Variants in DNAH14 observed in about 807,000 individuals in gnomAD.
DNAH14 encodes the protein dynein axonemal heavy chain 14, also known as axonemal beta dynein heavy chain 14.
Under a neutral mutation model 520.9 loss-of-function variants are expected in DNAH14, and 478 were observed. The ratio of observed to expected loss-of-function variants is 0.92; its 90% CI spans 0.85 to 0.99. The LOEUF (loss-of-function observed/expected upper bound fraction) is 0.99. Ranked by LOEUF, DNAH14 falls within the 50% of genes least tolerant of loss-of-function variation. The pLI is 0.00. For synonymous variants in DNAH14, 1,581 were observed against 1,757.2 expected (o/e 0.90, Z 2.51); for missense variants, 4,831 against 5,234.5 (o/e 0.92, Z 2.38).
intron 8 of DNAH14, among the ~76,000 whole-genome samples, chr1:224,975,177 C>G (rs1432961867): frequency 4.6e-5 from 7 of 151,544 alleles, no homozygotes; most frequent in Non-Finnish European, 8.8e-5. Context: ...GGATATTGGT[C>G]TGAAATTCTC....
intron 54 of DNAH14, among the ~76,000 whole-genome samples, chr1:225,278,978 TTTTGTTTG>T (rs1160715574): frequency 1.3e-5 from 2 of 152,092 alleles, no homozygotes; most frequent in African/African-American, 2.4e-5. Context: ...GTTGGGGTTT[TTTTGTTTG>T]TTTGTTTGTT....
At chr1:225,372,274 T>C (rs1021116736) in intron 77 of DNAH14, among the ~76,000 whole-genome samples, 2 of 152,126 alleles carry the variant, frequency 1.3e-5, no homozygotes, top group Admixed American at 6.5e-5. Context: ...AAGAATAAGC[T>C]AGGAATGTAC....
At chr1:225,169,002 T>G (rs1447575568) in intron 36 of DNAH14, among the ~76,000 whole-genome samples, 1 of 152,190 alleles carries the variant, frequency 6.6e-6, no homozygotes, top group Non-Finnish European at 1.5e-5. Context: ...CAATATTTAC[T>G]GTTCTGCAGC....
chr1:225,324,778 C>T lies in DNAH14; in HGVS notation c.9669C>T (p.Asn3223=), dbSNP rs758763946. Reference sequence around the variant, plus strand: ...AAATCCAAGTAGCTGAAGCTCAAAACGTCCTTAAAATTGCGCGACAAAGAC... The same window carrying T: ...AAATCCAAGTAGCTGAAGCTCAAAATGTCCTTAAAATTGCGCGACAAAGAC... The part of the protein sequence containing the change: ...PKQIQVAEAQ[N]VLKIARQRLA... The change falls in exon 64 of 86, where the codon AAC becomes AAT. Residue 3223 remains asparagine, a synonymous_variant. Coordinates refer to ENST00000682510, the MANE Select transcript of DNAH14 (RefSeq NM_001367479.1). 17 of 1,551,290 alleles carry T rather than the reference C, an allele frequency of 1.1e-5. No homozygotes were observed. Among genetic ancestry groups the T allele is most frequent in the Non-Finnish European group, 1.3e-5 (15 of 1,146,902 alleles).
chr1:225,258,181 TCTAA>T, intron 45 of DNAH14, 63 bp downstream of exon 45: 2 of 1,343,266 alleles, frequency 1.5e-6, no homozygotes, highest in Non-Finnish European at 1.9e-6. Context: ...AGATATTTGG[TCTAA>T]CTATCTTATT....
At chr1:225,130,979 G>T (rs1326225335) in intron 27 of DNAH14, among the ~76,000 whole-genome samples, 2 of 152,006 alleles carry the variant, frequency 1.3e-5, no homozygotes, top group Admixed American at 1.3e-4. Context: ...CATTATGAAG[G>T]GTACTGGTGT....
chr1:224,959,119 G>A (rs2060691924), intron 3 of DNAH14, among the ~76,000 whole-genome samples: 2 of 152,062 alleles, frequency 1.3e-5, no homozygotes, highest in African/African-American at 4.8e-5. Context: ...TTCAACTAAG[G>A]TAGAGAGGTC....
chr1:225,169,354 A>G (rs1198408062), intron 36 of DNAH14, among the ~76,000 whole-genome samples: 1 of 152,204 alleles, frequency 6.6e-6, no homozygotes, highest in Admixed American at 6.5e-5. Flanking sequence ...CTCCAAGCTA[A>G]AGGAGGAAGT....
chr1:224,964,392 T>C (rs545588325), intron 4 of DNAH14, 87 bp from the exon 5 acceptor site: 2 of 1,341,058 alleles, frequency 1.5e-6, no homozygotes, highest in South Asian at 2.3e-5. Flanking sequence ...TTTTTCTCTA[T>C]ATAGAAATAT....
intron 23 of DNAH14, among the ~76,000 whole-genome samples, chr1:225,106,843 G>A (rs546194052): frequency 1.4e-3 from 219 of 152,158 alleles, no homozygotes; most frequent in Non-Finnish European, 2.3e-3. Context: ...CTTTAGCTCA[G>A]AATAGTTTGA....
intron 55 of DNAH14, among the ~76,000 whole-genome samples, chr1:225,297,953 G>A (rs562286900): frequency 6.6e-6 from 1 of 152,240 alleles, no homozygotes; most frequent in South Asian, 2.1e-4. Context: ...TGCAGCACGG[G>A]GGATGTACCA....
At chr1:224,988,309 C>T (rs1318070097) in intron 8 of DNAH14, among the ~76,000 whole-genome samples, 1 of 152,150 alleles carries the variant, frequency 6.6e-6, no homozygotes, top group Non-Finnish European at 1.5e-5. Flanking sequence ...CATTAAGGGA[C>T]ATTTGGGTTG....
chr1:225,391,414 G>A (rs2095911145), intron 83 of DNAH14, among the ~76,000 whole-genome samples: 1 of 152,212 alleles, frequency 6.6e-6, no homozygotes, highest in Non-Finnish European at 1.5e-5. Context: ...CGAGGCTGCA[G>A]TGAGCCATGA....
chr1:224,991,910 A>G (rs141033876), intron 8 of DNAH14, among the ~76,000 whole-genome samples: 162 of 152,322 alleles, frequency 1.1e-3, no homozygotes, highest in African/African-American at 3.7e-3. Context: ...AATCAAAACT[A>G]CAGTGAGATG....
rs866948316 is a variant in DNAH14, at chr1:225,242,479, G to A, written c.6748+1657G>A. Among the ~76,000 whole-genome samples, 12 of 151,814 alleles carry A rather than the reference G, an allele frequency of 7.9e-5. No individual in the cohort carries two copies. The Middle Eastern group carries it at 0.014, about 172-fold the overall frequency. On this transcript the variant is annotated intron_variant, in intron 43 of 85. Transcript: ENST00000682510. ...AACACACACATTAGCCTAGGCCTAC[G>A]TGGGGTCAAGTTCATCAATATCACT...
chr1:225,057,116 C>T (rs2069221128), intron 17 of DNAH14, among the ~76,000 whole-genome samples: 1 of 152,184 alleles, frequency 6.6e-6, no homozygotes, highest in Non-Finnish European at 1.5e-5. Flanking sequence ...TATAAATTAC[C>T]TTGGGCAGTA....
chr1:225,343,785 TCTG>T (rs1427054523), intron 69 of DNAH14, among the ~76,000 whole-genome samples: 1 of 122,790 alleles, frequency 8.1e-6, no homozygotes, highest in Non-Finnish European at 1.7e-5. Context: ...GGCTTCTGTA[TCTG>T]TTTTTTTTGT....
At chr1:225,197,201 T>C (rs1195425259) in intron 38 of DNAH14, among the ~76,000 whole-genome samples, 6 of 152,296 alleles carry the variant, frequency 3.9e-5, no homozygotes, top group Non-Finnish European at 7.3e-5. Flanking sequence ...TTGATTCATC[T>C]TGAGTTGATT....
chr1:225,283,035 T>TA (rs1294921210), intron 54 of DNAH14, among the ~76,000 whole-genome samples: 4 of 150,896 alleles, frequency 2.7e-5, no homozygotes, highest in African/African-American at 9.7e-5. Context: ...ATTTTTAATG[T>TA]AAAAAAATTA....
Sources: gnomAD v4.1 joint callset for allele counts (sites outside exome capture counted in the v4.1 genomes callset) on GRCh38, gnomAD v4.1.1 for gene constraint, MANE v1.5 for transcripts, NCBI Gene and HGNC (gene_info 2026-07-23, HGNC 2026-07-21) for gene names.